Variants in SORCS3 observed in about 807,000 individuals in gnomAD.
SORCS3 encodes sortilin related VPS10 domain containing receptor 3, also known as VPS10 domain-containing receptor SorCS3.
SORCS3 carries 57 observed loss-of-function variants against 146.3 expected under a neutral mutation model. The observed-to-expected ratio is 0.39, with a 90% CI of 0.31 to 0.49. The LOEUF is 0.49. SORCS3 is among the 20% of genes least tolerant of loss of function. The pLI is 0.92. For synonymous variants in SORCS3, 653 were observed against 618.5 expected (o/e 1.06, Z -0.83); for missense variants, 1,341 against 1,575.5 (o/e 0.85, Z 2.52).
intron 1 of SORCS3, among the ~76,000 whole-genome samples, chr10:104,713,836 A>T (rs1397891434): frequency 6.6e-6 from 1 of 152,162 alleles, no homozygotes; most frequent in Non-Finnish European, 1.5e-5. Flanking sequence ...AATTGGAATC[A>T]TTTCTTTCTT....
chr10:105,155,027 A>G (rs1322301776), intron 9 of SORCS3, among the ~76,000 whole-genome samples: 3 of 152,230 alleles, frequency 2.0e-5, no homozygotes, highest in Non-Finnish European at 4.4e-5. Context: ...GGCATTATGT[A>G]CAACTGCAGG....
chr10:104,733,190 G>C (rs540839914), intron 1 of SORCS3, among the ~76,000 whole-genome samples: 1 of 151,998 alleles, frequency 6.6e-6, no homozygotes, highest in African/African-American at 2.4e-5. Context: ...GCCCTGAGAA[G>C]TGGGGAAGGC....
At chr10:105,005,906 A>G (rs2055092219) in intron 4 of SORCS3, among the ~76,000 whole-genome samples, 1 of 152,256 alleles carries the variant, frequency 6.6e-6, no homozygotes, top group East Asian at 1.9e-4. Flanking sequence ...GTTTCTATTC[A>G]TTTCCTTTCA....
At chr10:104,748,469 T>A (rs2016941767) in intron 1 of SORCS3, among the ~76,000 whole-genome samples, 1 of 152,034 alleles carries the variant, frequency 6.6e-6, no homozygotes, top group Non-Finnish European at 1.5e-5. Context: ...GAAAAGAAAA[T>A]TTAATGGAAA....
intron 1 of SORCS3, among the ~76,000 whole-genome samples, chr10:104,699,073 T>C (rs1474154089): frequency 6.6e-6 from 1 of 152,156 alleles, no homozygotes; most frequent in Non-Finnish European, 1.5e-5. Context: ...TATTTGTTAG[T>C]TTCCAGAGGA....
chr10:104,751,594 A>G (rs1456053343), intron 1 of SORCS3, among the ~76,000 whole-genome samples: 2 of 152,138 alleles, frequency 1.3e-5, no homozygotes, highest in African/African-American at 4.8e-5. Flanking sequence ...AGAGATAGCT[A>G]AAGCTTGCTG....
chr10:105,117,770 C>T (rs2055903550), intron 7 of SORCS3, among the ~76,000 whole-genome samples: 1 of 152,188 alleles, frequency 6.6e-6, no homozygotes, highest in Non-Finnish European at 1.5e-5. Flanking sequence ...TCTGCCACTG[C>T]ATTGAAATTG....
At chr10:104,940,313 T>C (rs1218747671) in intron 3 of SORCS3, among the ~76,000 whole-genome samples, 1 of 139,972 alleles carries the variant, frequency 7.1e-6, no homozygotes, top group African/African-American at 2.7e-5. Flanking sequence ...TACATATGTA[T>C]ACATGTGCCA....
At chr10:104,968,477 G>T (rs2054840089) in intron 3 of SORCS3, among the ~76,000 whole-genome samples, 1 of 152,154 alleles carries the variant, frequency 6.6e-6, no homozygotes, top group African/African-American at 2.4e-5. Context: ...AAAGACATCT[G>T]CATTGAGAGC....
chr10:104,868,433 G>T (rs906816410), intron 2 of SORCS3, among the ~76,000 whole-genome samples: 3 of 152,118 alleles, frequency 2.0e-5, no homozygotes, highest in African/African-American at 7.2e-5. Context: ...TGTTCTCATG[G>T]GACTACTCGC....
At position 105,043,067 on chromosome 10, in the gene SORCS3, A is replaced by T; in HGVS notation, c.967A>T (p.Met323Leu). 1 of 1,613,812 alleles carries T rather than the reference A, an allele frequency of 6.2e-7. No homozygotes were observed. Residue 323 changes from methionine (M) to leucine (L), a missense_variant, in exon 5 of 27, where the codon ATG becomes TTG. Coordinates refer to ENST00000369701, the MANE Select transcript of SORCS3 (RefSeq NM_014978.3). ...CATTGTTTTGCAGCTCTACAGCTCC[A>T]TGGACTTTGGAAGACGGTGGCAACT... ...YSLDQKLYSS[M>L]DFGRRWQLMH...
chr10:104,927,137 G>A (rs563734459), intron 3 of SORCS3, among the ~76,000 whole-genome samples: 31 of 152,254 alleles, frequency 2.0e-4, no homozygotes, highest in African/African-American at 7.2e-4. Context: ...ATCTAGGTGT[G>A]TATAAAACAT....
intron 14 of SORCS3, among the ~76,000 whole-genome samples, chr10:105,189,270 A>T (rs140709188): frequency 7.9e-5 from 12 of 152,306 alleles, no homozygotes; most frequent in African/African-American, 2.9e-4. Flanking sequence ...AATGAGCAGC[A>T]TAGTTAAGCT....
At chr10:105,069,774 C>T (rs2055545563) in intron 5 of SORCS3, among the ~76,000 whole-genome samples, 1 of 152,150 alleles carries the variant, frequency 6.6e-6, no homozygotes. Context: ...TTGTACTGTG[C>T]TGCACCTATC....
At chr10:104,858,283 A>T (rs1027657318) in intron 2 of SORCS3, among the ~76,000 whole-genome samples, 2 of 152,180 alleles carry the variant, frequency 1.3e-5, no homozygotes, top group African/African-American at 4.8e-5. Context: ...ATTTTTACCC[A>T]TATATCTTTA....
Position 105,056,344 on chromosome 10 carries a change from G to A in SORCS3, c.1028+13216G>A, listed in dbSNP as rs145575520. Among the ~76,000 whole-genome samples, 17 of 152,262 alleles carry A rather than the reference G, an allele frequency of 1.1e-4. No homozygotes were observed. In the East Asian group the frequency reaches 3.1e-3, roughly 28 times the overall value. On this transcript the variant is annotated intron_variant, in intron 5 of 26. Transcript: ENST00000369701. ...GTGCCTTCTGCACCCCTCTAGTTGT[G>A]CAGAATGTTCTCTGAGGCACAAAAT... is the stretch of plus-strand genomic sequence containing the variant.
chr10:105,041,445 C>CTA lies in SORCS3; in HGVS notation c.955-1601_955-1600dup, dbSNP rs896339192. 4.1e-5 allele frequency among the ~76,000 whole-genome samples: 6 copies of CTA among 146,570 alleles called. No homozygotes were observed. In the East Asian group the frequency reaches 7.9e-4, roughly 19 times the overall value. ...TATATATACACACACATATATATAA[C>CTA]TATATATATACATATAACTATATGT... On this transcript the variant is annotated intron_variant, in intron 4 of 26. Coordinates refer to ENST00000369701, the MANE Select transcript of SORCS3 (RefSeq NM_014978.3).
At chr10:104,665,346 A>G (rs1300197734) in intron 1 of SORCS3, 1 of 152,270 alleles carries the variant, frequency 6.6e-6, no homozygotes, top group Non-Finnish European at 1.5e-5. Context: ...CTGCCCAGAG[A>G]AAGAATGAGG....
chr10:104,950,124 C>A (rs2019413139), intron 3 of SORCS3, among the ~76,000 whole-genome samples: 1 of 152,128 alleles, frequency 6.6e-6, no homozygotes, highest in East Asian at 1.9e-4. Context: ...AGCAAACAGG[C>A]CTCTTCTGAG....
Sources: allele counts gnomAD v4.1 joint callset (sites outside exome capture counted in the v4.1 genomes callset), GRCh38; gene constraint gnomAD v4.1.1; transcripts MANE v1.5; gene names NCBI Gene and HGNC (gene_info 2026-07-23, HGNC 2026-07-21).